The following GRIN2A variants were observed in gnomAD, a reference collection of about 807,000 sequenced individuals.
GRIN2A encodes the protein glutamate receptor ionotropic, NMDA 2A.
GRIN2A carries 22 observed loss-of-function variants against 113.4 expected under a neutral mutation model. That is an observed-to-expected ratio of 0.19 (90% CI 0.14 to 0.28). The LOEUF (loss-of-function observed/expected upper bound fraction) is 0.28, where lower values mean the gene tolerates loss of function less well. GRIN2A is among the 10% of genes least tolerant of loss of function. GRIN2A has a pLI of 1.00. For synonymous variants in GRIN2A, 827 were observed against 738.4 expected, an observed-to-expected ratio of 1.12 and a Z score of -1.94; for missense variants, 1,502 against 1,887.0, an observed-to-expected ratio of 0.80 and a Z score of 3.78.
chr16:9,975,424 A>C (rs2045756482), intron 2 of GRIN2A, among the ~76,000 whole-genome samples: 2 of 152,196 alleles, frequency 1.3e-5, no homozygotes, highest in Non-Finnish European at 2.9e-5. Context: ...AGAGACTCAA[A>C]GTGTCAGAAG....
At chr16:10,120,805 T>G in intron 2 of GRIN2A, among the ~76,000 whole-genome samples, 1 of 152,148 alleles carries the variant, frequency 6.6e-6, no homozygotes, top group Middle Eastern at 3.4e-3. Context: ...CACATGCAGA[T>G]TGCTACCAGA....
intron 2 of GRIN2A, among the ~76,000 whole-genome samples, chr16:10,044,183 G>A (rs1047537677): frequency 5.9e-5 from 9 of 151,460 alleles, no homozygotes; most frequent in Non-Finnish European, 1.2e-4. Context: ...CCTCCGTCTC[G>A]CCACCATGCC....
chr16:9,860,445 C>CAAAAAAAAAAA (rs35715098), intron 4 of GRIN2A, among the ~76,000 whole-genome samples: 36 of 57,942 alleles, frequency 6.2e-4, no homozygotes, highest in African/African-American at 2.1e-3. Context: ...AAGAGTCTCT[C>CAAAAAAAAAAA]AAAAAAAAAA....
At chr16:9,907,947 G>A (rs1036794098) in intron 3 of GRIN2A, among the ~76,000 whole-genome samples, 1 of 152,202 alleles carries the variant, frequency 6.6e-6, no homozygotes, top group Non-Finnish European at 1.5e-5. Context: ...CACAGTGTCT[G>A]GCATGTGGTA....
At chr16:9,989,725 C>T (rs2046063401) in intron 2 of GRIN2A, among the ~76,000 whole-genome samples, 1 of 152,034 alleles carries the variant, frequency 6.6e-6, no homozygotes, top group Admixed American at 6.6e-5. Context: ...AGGCAAAGGA[C>T]ATGAGCAGAC....
chr16:10,134,981 C>G (rs1383684066), intron 2 of GRIN2A, among the ~76,000 whole-genome samples: 1 of 152,198 alleles, frequency 6.6e-6, no homozygotes, highest in South Asian at 2.1e-4. Flanking sequence ...AACATGCTTT[C>G]CTGATAGTAA....
chr16:9,928,103 C>T (rs547546348), intron 3 of GRIN2A, among the ~76,000 whole-genome samples: 1 of 152,310 alleles, frequency 6.6e-6, no homozygotes, highest in African/African-American at 2.4e-5. Context: ...TCACGCTGGA[C>T]CGTGACTCCT....
rs912323985 is a variant in GRIN2A at position 10,040,638 on chromosome 16, A to G, written c.415-102087T>C. Among the ~76,000 whole-genome samples, 11 of 152,070 alleles carry G rather than the reference A, an allele frequency of 7.2e-5. No individual in the cohort carries two copies. The East Asian group carries it at 7.7e-4, about 11-fold the overall frequency. ...CACAACTACGCACACATAAATACAC[A>G]TAGCATACACACACAAATACACACA... On this transcript the variant is annotated intron_variant, in intron 2 of 12. Transcript: ENST00000330684.
At chr16:10,025,111 G>C (rs1596435484) in intron 2 of GRIN2A, among the ~76,000 whole-genome samples, 1 of 151,852 alleles carries the variant, frequency 6.6e-6, no homozygotes, top group African/African-American at 2.4e-5. Context: ...GGAAAGAAGA[G>C]AGGAATGAGT....
chr16:9,862,510 C>T (rs1228784022), intron 4 of GRIN2A, among the ~76,000 whole-genome samples: 1 of 152,150 alleles, frequency 6.6e-6, no homozygotes, highest in Non-Finnish European at 1.5e-5. Flanking sequence ...GGGAAGAGCT[C>T]AATGCTTGTT....
Position 10,152,095 on chromosome 16 carries a change from G to C in GRIN2A, c.414+27903C>G, listed in dbSNP as rs763517857. ...CCCTGCCCCTGGCAGCAGCCACCAGGGAAGCCAGTACAATAGTGGTCTCAG... is the reference window on the plus strand; with the variant it reads ...CCCTGCCCCTGGCAGCAGCCACCAGCGAAGCCAGTACAATAGTGGTCTCAG... On this transcript the variant is annotated intron_variant, in intron 2 of 12. Transcript: ENST00000330684. 6.8e-4 allele frequency among the ~76,000 whole-genome samples: 103 copies of C among 152,278 alleles called. 2 individuals are homozygous for C. The highest frequency in any genetic ancestry group is 2.4e-3 in the African/African-American group (98 of 41,548).
intron 3 of GRIN2A, among the ~76,000 whole-genome samples, chr16:9,893,429 T>C (rs1011709493): frequency 2.6e-5 from 4 of 152,144 alleles, no homozygotes; most frequent in Non-Finnish European, 5.9e-5. Flanking sequence ...GGGGTATCTC[T>C]TATCACTTCC....
chr16:9,915,844 GGTTT>G (rs1431305866), intron 3 of GRIN2A, among the ~76,000 whole-genome samples: 2 of 152,174 alleles, frequency 1.3e-5, no homozygotes, highest in African/African-American at 4.8e-5. Flanking sequence ...CTACATGACA[GGTTT>G]GTTGTGAGAA....
chr16:9,946,738 C>A (rs1596351956), intron 2 of GRIN2A, among the ~76,000 whole-genome samples: 1 of 152,162 alleles, frequency 6.6e-6, no homozygotes, highest in African/African-American at 2.4e-5. Context: ...TAGGAAAAGA[C>A]AGCTTCTTTT....
At chr16:9,812,557 A>C (rs540674186) in intron 10 of GRIN2A, among the ~76,000 whole-genome samples, 50 of 152,220 alleles carry the variant, frequency 3.3e-4, no homozygotes, top group African/African-American at 1.1e-3. Flanking sequence ...AGAATCACTC[A>C]AACCTCGGAG....
chr16:10,080,560 C>G (rs186977885), intron 2 of GRIN2A, among the ~76,000 whole-genome samples: 1 of 152,304 alleles, frequency 6.6e-6, no homozygotes, highest in East Asian at 1.9e-4. Context: ...CCGAGCAACA[C>G]GCCTGCCACA....
chr16:9,970,716 A>G, intron 2 of GRIN2A: 15 of 934,674 alleles, frequency 1.6e-5, no homozygotes, highest in Non-Finnish European at 1.8e-5. Context: ...TGAAGATAAA[A>G]TAAATAAAGC....
intron 2 of GRIN2A, among the ~76,000 whole-genome samples, chr16:9,991,963 AC>A (rs2046123795): frequency 6.6e-6 from 1 of 152,152 alleles, no homozygotes; most frequent in East Asian, 1.9e-4. Context: ...GGGGCTTAAA[AC>A]CTAGATGATG....
chr16:9,945,245 C>G lies in GRIN2A; in HGVS notation c.415-6694G>C, dbSNP rs535503638. Among the ~76,000 whole-genome samples, 3 of 151,998 alleles carry G rather than the reference C, an allele frequency of 2.0e-5. No homozygotes were observed. The East Asian group carries it at 5.8e-4, about 29-fold the overall frequency. On this transcript the variant is annotated intron_variant, in intron 2 of 12. Transcript: ENST00000330684. ...TTCAGGAGTGGGGTGGAGAGAGGAGCCCCACTCTAGGTCATCTGATCTGCT... is the reference window on the plus strand; with the variant it reads ...TTCAGGAGTGGGGTGGAGAGAGGAGGCCCACTCTAGGTCATCTGATCTGCT...
Sources: allele counts gnomAD v4.1 joint callset (sites outside exome capture counted in the v4.1 genomes callset), GRCh38; gene constraint gnomAD v4.1.1; transcripts MANE v1.5; gene names NCBI Gene and HGNC (gene_info 2026-07-23, HGNC 2026-07-21).